The following SLC25A21 variants were observed in gnomAD, a reference collection of about 807,000 sequenced individuals.
SLC25A21 encodes mitochondrial 2-oxodicarboxylate carrier.
A neutral mutation model predicts 43.8 loss-of-function variants in SLC25A21; 47 were observed. The ratio of observed to expected loss-of-function variants is 1.07; its 90% confidence interval spans 0.85 to 1.37. The LOEUF is 1.37. SLC25A21 is among the 40% of genes most tolerant of loss of function. The pLI is 0.00. For synonymous variants in SLC25A21, 131 were observed against 121.3 expected (o/e 1.08, Z -0.52); for missense variants, 352 against 350.2 (o/e 1.00, Z -0.04).
At chr14:36,689,861 A>G (rs967509109) in intron 7 of SLC25A21, among the ~76,000 whole-genome samples, 2 of 152,130 alleles carry the variant, frequency 1.3e-5, no homozygotes, top group Non-Finnish European at 2.9e-5. Context: ...TTGATCATTC[A>G]CCCTCTTTGG....
intron 2 of SLC25A21, among the ~76,000 whole-genome samples, chr14:36,862,004 A>G (rs1026705301): frequency 1.3e-5 from 2 of 152,130 alleles, no homozygotes; most frequent in African/African-American, 4.8e-5. Context: ...CAAACATATG[A>G]AAAAAAGCTC....
chr14:36,836,279 G>C (rs1195036736), intron 2 of SLC25A21, among the ~76,000 whole-genome samples: 5 of 152,218 alleles, frequency 3.3e-5, no homozygotes, highest in Non-Finnish European at 7.3e-5. Context: ...ATGTAGACTA[G>C]TCAGGAAATC....
At chr14:36,822,943 T>C (rs1279199413) in intron 2 of SLC25A21, among the ~76,000 whole-genome samples, 1 of 152,214 alleles carries the variant, frequency 6.6e-6, no homozygotes, top group African/African-American at 2.4e-5. Context: ...TTTACTTGCA[T>C]ATCCTTCATG....
At chr14:36,731,572 G>T (rs1005628044) in intron 4 of SLC25A21, among the ~76,000 whole-genome samples, 4 of 152,184 alleles carry the variant, frequency 2.6e-5, no homozygotes, top group African/African-American at 9.7e-5. Flanking sequence ...GAGGCCTTAA[G>T]TATATGAGCA....
At chr14:36,938,229 C>T (rs981592399) in intron 1 of SLC25A21, among the ~76,000 whole-genome samples, 1 of 152,082 alleles carries the variant, frequency 6.6e-6, no homozygotes, top group African/African-American at 2.4e-5. Context: ...CCTGGCAACA[C>T]CTAGATTTCA....
chr14:37,137,512 G>C (rs1167582798), intron 1 of SLC25A21, among the ~76,000 whole-genome samples: 1 of 152,076 alleles, frequency 6.6e-6, no homozygotes, highest in Non-Finnish European at 1.5e-5. Flanking sequence ...ATAGAATTTT[G>C]TCATTGTTTA....
chr14:36,741,022 G>A (rs577766737), intron 3 of SLC25A21, among the ~76,000 whole-genome samples: 2 of 152,246 alleles, frequency 1.3e-5, no homozygotes, highest in African/African-American at 4.8e-5. Flanking sequence ...GTAGACAGGG[G>A]AAGGCTTAAC....
chr14:36,925,099 T>TG (rs1186000920), intron 1 of SLC25A21, among the ~76,000 whole-genome samples: 1 of 151,988 alleles, frequency 6.6e-6, no homozygotes, highest in African/African-American at 2.4e-5. Flanking sequence ...AGCAAGGAAA[T>TG]GGGGTAATAA....
intron 1 of SLC25A21, among the ~76,000 whole-genome samples, chr14:37,037,467 T>G (rs1467492): frequency 0.47 from 71,213 of 151,900 alleles, 19,085 homozygotes; most frequent in African/African-American, 0.75. Context: ...ATCACCAGGG[T>G]TGCTTTCATA....
At chr14:37,120,272 C>G (rs1315326791) in intron 1 of SLC25A21, among the ~76,000 whole-genome samples, 1 of 152,112 alleles carries the variant, frequency 6.6e-6, no homozygotes, top group Admixed American at 6.6e-5. Context: ...AGTTTTTAAT[C>G]AACATGTGTT....
intron 3 of SLC25A21, among the ~76,000 whole-genome samples, chr14:36,781,400 C>A (rs903612925): frequency 3.3e-5 from 5 of 152,006 alleles, no homozygotes; most frequent in Non-Finnish European, 5.9e-5. Flanking sequence ...TCCTTTGTTC[C>A]TTTTTACATC....
At chr14:37,088,105 T>C (rs560069392) in intron 1 of SLC25A21, among the ~76,000 whole-genome samples, 5 of 152,246 alleles carry the variant, frequency 3.3e-5, no homozygotes, top group Non-Finnish European at 7.3e-5. Flanking sequence ...AAAATTGGGA[T>C]GCATTATGTA....
chr14:36,871,364 C>A (rs1890368399), intron 2 of SLC25A21, among the ~76,000 whole-genome samples: 1 of 152,204 alleles, frequency 6.6e-6, no homozygotes, highest in Admixed American at 6.5e-5. Flanking sequence ...GCTTAGACAT[C>A]TCAGCCTCCA....
intron 1 of SLC25A21, among the ~76,000 whole-genome samples, chr14:36,966,489 G>C (rs943010655): frequency 6.6e-6 from 1 of 152,132 alleles, no homozygotes; most frequent in Non-Finnish European, 1.5e-5. Context: ...AGCACATCCT[G>C]ATCTAAAGTC....
At chr14:36,734,471 C>A in intron 4 of SLC25A21, 36 bp downstream of exon 4, 1 of 1,550,530 alleles carries the variant, frequency 6.4e-7, no homozygotes, top group East Asian at 2.3e-5. Flanking sequence ...TTACTGTGCC[C>A]TACTTTTGCT....
At chr14:37,035,440 T>C (rs1056779414) in intron 1 of SLC25A21, among the ~76,000 whole-genome samples, 3 of 152,270 alleles carry the variant, frequency 2.0e-5, no homozygotes, top group Non-Finnish European at 4.4e-5. Flanking sequence ...GCTAACAATC[T>C]CTGTTATTAC....
intron 2 of SLC25A21, among the ~76,000 whole-genome samples, chr14:36,827,700 A>G (rs1167382896): frequency 6.6e-6 from 1 of 152,222 alleles, no homozygotes; most frequent in African/African-American, 2.4e-5. Context: ...TACTTGTGTC[A>G]GGTTAGGTTT....
chr14:36,894,127 G>A (rs1420880950), intron 1 of SLC25A21, among the ~76,000 whole-genome samples: 1 of 152,036 alleles, frequency 6.6e-6, no homozygotes, highest in Non-Finnish European at 1.5e-5. Context: ...AAATTACCTT[G>A]GCAGTATGGC....
chr14:37,121,143 C>T (rs1031639571), intron 1 of SLC25A21, among the ~76,000 whole-genome samples: 1 of 152,130 alleles, frequency 6.6e-6, no homozygotes, highest in South Asian at 2.1e-4. Context: ...TCAGAACTTG[C>T]GCCAGGCAAA....
Sources: allele counts gnomAD v4.1 joint callset (sites outside exome capture counted in the v4.1 genomes callset), GRCh38; gene constraint gnomAD v4.1.1; transcripts MANE v1.5; gene names NCBI Gene and HGNC (gene_info 2026-07-23, HGNC 2026-07-21).